Variants in MCUB observed in about 807,000 individuals in gnomAD.
The protein encoded by MCUB is calcium uniporter regulatory subunit MCUb, mitochondrial.
In MCUB, 46 loss-of-function variants were observed where a neutral mutation model predicts 41.4. The observed-to-expected ratio is 1.11, with a 90% CI of 0.88 to 1.42. The LOEUF (loss-of-function observed/expected upper bound fraction) is 1.42. MCUB is among the 40% of genes most tolerant of loss of function. The probability of loss-of-function intolerance (pLI) is 0.00; values close to 1 mark genes in which losing one functional copy is unlikely to be tolerated. For missense variants in MCUB, 403 were observed against 404.9 expected (o/e 1.00, Z 0.04); for synonymous variants, 148 against 148.2 (o/e 1.00, Z 0.01).
chr4:109,580,373 G>A (rs963243296), intron 1 of MCUB, among the ~76,000 whole-genome samples: 4 of 152,120 alleles, frequency 2.6e-5, no homozygotes, highest in Non-Finnish European at 5.9e-5. Flanking sequence ...AGCATGATTT[G>A]TAATCCTTTG....
intron 1 of MCUB, among the ~76,000 whole-genome samples, chr4:109,620,786 G>T (rs914582088): frequency 1.2e-4 from 18 of 152,214 alleles, no homozygotes; most frequent in Admixed American, 4.6e-4. Context: ...AAGCTTTTGA[G>T]CAACTCCAGG....
At chr4:109,606,833 G>A (rs932246356) in intron 1 of MCUB, among the ~76,000 whole-genome samples, 7 of 152,044 alleles carry the variant, frequency 4.6e-5, no homozygotes, top group African/African-American at 1.7e-4. Context: ...TGCAACCTCT[G>A]CCTCCTGGAT....
intron 4 of MCUB, chr4:109,674,262 C>G (rs771339373): frequency 6.1e-6 from 4 of 652,570 alleles, no homozygotes; most frequent in Non-Finnish European, 1.1e-5. Context: ...GGCTTCCTTT[C>G]TTGCAGGCTT....
intron 1 of MCUB, among the ~76,000 whole-genome samples, chr4:109,627,997 TAA>T (rs146813838): frequency 0.012 from 1,823 of 151,744 alleles, 35 homozygotes; most frequent in African/African-American, 0.042. Context: ...ATATAACATA[TAA>T]GTCATTTGTT....
intron 1 of MCUB, among the ~76,000 whole-genome samples, chr4:109,588,571 T>A (rs915697622): frequency 5.3e-5 from 8 of 152,154 alleles, no homozygotes; most frequent in African/African-American, 1.2e-4. Flanking sequence ...TGAAAAAAAA[T>A]TTTGTTTTGC....
chr4:109,651,618 T>C (rs1478127293), intron 1 of MCUB, among the ~76,000 whole-genome samples: 1 of 152,228 alleles, frequency 6.6e-6, no homozygotes, highest in African/African-American at 2.4e-5. Context: ...AAAAATTTTA[T>C]ATTTAATTTC....
intron 1 of MCUB, among the ~76,000 whole-genome samples, chr4:109,590,817 G>T (rs1301689538): frequency 2.0e-5 from 3 of 152,132 alleles, no homozygotes; most frequent in Non-Finnish European, 2.9e-5. Context: ...AGTATTCAGG[G>T]TTTATTTTGT....
chr4:109,674,743 A>G (rs1729535368), intron 4 of MCUB, among the ~76,000 whole-genome samples: 1 of 152,270 alleles, frequency 6.6e-6, no homozygotes, highest in Non-Finnish European at 1.5e-5. Context: ...AGTTTTTTGT[A>G]ATTGCAAATT....
At chr4:109,678,320 G>A (rs544101557) in intron 4 of MCUB, among the ~76,000 whole-genome samples, 33 of 152,332 alleles carry the variant, frequency 2.2e-4, no homozygotes, top group South Asian at 6.2e-4. Context: ...TGTTCTCGAT[G>A]GTCGCTGTCT....
chr4:109,653,893 T>C (rs1031970711), intron 1 of MCUB, among the ~76,000 whole-genome samples: 6 of 152,222 alleles, frequency 3.9e-5, no homozygotes, highest in Admixed American at 3.3e-4. Flanking sequence ...GCTTTTTACA[T>C]GTACATAGAC....
At chr4:109,666,265 T>A (rs575852078) in intron 4 of MCUB, among the ~76,000 whole-genome samples, 7 of 152,338 alleles carry the variant, frequency 4.6e-5, no homozygotes, top group African/African-American at 1.4e-4. Flanking sequence ...TAAATACACA[T>A]GCGCAGGCTT....
chr4:109,645,910 T>G (rs1212310159), intron 1 of MCUB, among the ~76,000 whole-genome samples: 1 of 152,176 alleles, frequency 6.6e-6, no homozygotes, highest in African/African-American at 2.4e-5. Context: ...TTTACTCCCT[T>G]AGTTGTCACT....
chr4:109,643,798 C>T (rs1377684159), intron 1 of MCUB, among the ~76,000 whole-genome samples: 1 of 152,232 alleles, frequency 6.6e-6, no homozygotes, highest in Non-Finnish European at 1.5e-5. Context: ...GCCACTGCAC[C>T]TGATTTTATA....
chr4:109,564,252 C>G (rs2126122489), intron 1 of MCUB, among the ~76,000 whole-genome samples: 1 of 152,226 alleles, frequency 6.6e-6, no homozygotes, highest in South Asian at 2.1e-4. Flanking sequence ...CCTGCCTCAG[C>G]CTCCAAGTAG....
At chr4:109,599,758 T>A (rs1727685454) in intron 1 of MCUB, among the ~76,000 whole-genome samples, 1 of 152,010 alleles carries the variant, frequency 6.6e-6, no homozygotes. Context: ...AACCTCTACC[T>A]CCCAGGTTCA....
chr4:109,576,422 AAC>A (rs1727030255), intron 1 of MCUB, among the ~76,000 whole-genome samples: 1 of 152,230 alleles, frequency 6.6e-6, no homozygotes, highest in Non-Finnish European at 1.5e-5. Context: ...TGGTTTTCAG[AAC>A]AGGGAATAAA....
chr4:109,660,152 A>G, intron 2 of MCUB, 43 bp from the exon 3 acceptor site: 1 of 975,826 alleles, frequency 1.0e-6, no homozygotes, highest in African/African-American at 1.7e-5. Context: ...GGTTTTTTTT[A>G]AAGTAAAATT....
intron 4 of MCUB, 34 bp from the exon 5 acceptor site, chr4:109,682,548 G>C: frequency 6.4e-7 from 1 of 1,565,394 alleles, no homozygotes; most frequent in East Asian, 2.2e-5. Flanking sequence ...GAACAATGTG[G>C]TGACTGGCTT....
chr4:109,613,473 G>A (rs1310949550), intron 1 of MCUB, among the ~76,000 whole-genome samples: 1 of 152,208 alleles, frequency 6.6e-6, no homozygotes, highest in African/African-American at 2.4e-5. Flanking sequence ...AGGGGAATGG[G>A]CTTTGGACTT....
Sources: gnomAD v4.1 joint callset for allele counts (sites outside exome capture counted in the v4.1 genomes callset) on GRCh38, gnomAD v4.1.1 for gene constraint, MANE v1.5 for transcripts, NCBI Gene and HGNC (gene_info 2026-07-23, HGNC 2026-07-21) for gene names.